PTPRN2: variants seen among roughly 807,000 people sequenced by gnomAD.
The protein encoded by PTPRN2 is receptor-type tyrosine-protein phosphatase N2.
A neutral mutation model predicts 118.8 loss-of-function variants in PTPRN2; 74 were observed. The observed-to-expected ratio is 0.62, with a 90% CI of 0.52 to 0.76. The LOEUF is 0.76. PTPRN2 is among the 30% of genes least tolerant of loss of function. PTPRN2 has a pLI of 0.00. For synonymous variants in PTPRN2, 641 were observed against 608.0 expected, an observed-to-expected ratio of 1.05 and a Z score of -0.80; for missense variants, 1,481 against 1,394.4, an observed-to-expected ratio of 1.06 and a Z score of -0.99.
At chr7:157,933,014 G>T (rs915887033) in intron 11 of PTPRN2, among the ~76,000 whole-genome samples, 12 of 151,014 alleles carry the variant, frequency 7.9e-5, no homozygotes, top group African/African-American at 2.7e-4. Flanking sequence ...TAGAGGAGGG[G>T]TGAGTCATCC....
intron 6 of PTPRN2, among the ~76,000 whole-genome samples, chr7:158,151,458 C>G (rs71544540): frequency 1.6e-5 from 1 of 61,562 alleles, no homozygotes; most frequent in Non-Finnish European, 3.4e-5. Flanking sequence ...CCTGCCCACA[C>G]CACCCGCCTT....
At chr7:157,599,382 TGAA>T (rs755743903) in intron 16 of PTPRN2, among the ~76,000 whole-genome samples, 8 of 152,240 alleles carry the variant, frequency 5.3e-5, no homozygotes, top group Non-Finnish European at 1.2e-4. Context: ...CTGATTCTTA[TGAA>T]GATGTCATAT....
At position 158,490,754 on chromosome 7, in the gene PTPRN2, C is replaced by T. The variant is rs1821388744; in HGVS notation, c.113-969G>A. Among the ~76,000 whole-genome samples the T allele has an allele frequency of 4.6e-5, 7 of 152,244 alleles. No individual in the cohort carries two copies. In the South Asian group the frequency reaches 1.4e-3, roughly 31 times the overall value. Reference sequence around the variant, plus strand: ...CAATGCTGCTTCACCAGCCGACAAACGCCTGTTCATCCGCTAAGATCCCTG... The same window carrying T: ...CAATGCTGCTTCACCAGCCGACAAATGCCTGTTCATCCGCTAAGATCCCTG... On this transcript the variant is annotated intron_variant, in intron 1 of 22. Transcript: ENST00000389418.
At chr7:158,108,745 A>G (rs78893205) in intron 10 of PTPRN2, among the ~76,000 whole-genome samples, 2,103 of 152,282 alleles carry the variant, frequency 0.014, 54 homozygotes, top group East Asian at 0.098. Flanking sequence ...AGTGCCCTCC[A>G]TGCTAATGAC....
intron 6 of PTPRN2, among the ~76,000 whole-genome samples, chr7:158,149,316 C>G (rs953489083): frequency 6.6e-6 from 1 of 152,114 alleles, no homozygotes; most frequent in Admixed American, 6.5e-5. Flanking sequence ...ATGTGTAAAT[C>G]ACTGCCTATA....
chr7:157,665,948 C>T (rs1429070109), intron 13 of PTPRN2, among the ~76,000 whole-genome samples: 2 of 152,184 alleles, frequency 1.3e-5, no homozygotes, highest in Admixed American at 6.5e-5. Flanking sequence ...AACACTTGGA[C>T]ACAAGGCGGG....
At chr7:157,966,087 G>C (rs1801901799) in intron 11 of PTPRN2, among the ~76,000 whole-genome samples, 1 of 151,690 alleles carries the variant, frequency 6.6e-6, no homozygotes, top group Non-Finnish European at 1.5e-5. Flanking sequence ...AATTCCAACA[G>C]GAGTACTCAG....
At chr7:158,317,370 C>T (rs1021597143) in intron 2 of PTPRN2, among the ~76,000 whole-genome samples, 8 of 152,250 alleles carry the variant, frequency 5.3e-5, no homozygotes, top group South Asian at 2.1e-4. Context: ...CAAGGATCGG[C>T]GGAGACGCCT....
Position 158,447,250 on chromosome 7 carries a change from G to A in PTPRN2, c.163+42485C>T, listed in dbSNP as rs10235375. ...TCGGTGCCTCCCTGCAGCCTCCACC[G>A]TTAAGCAAAAGCGTGGATGTATGAA... is the stretch of plus-strand genomic sequence containing the variant. On this transcript the variant is annotated intron_variant, in intron 2 of 22. Transcript: ENST00000389418. 1.7e-3 allele frequency among the ~76,000 whole-genome samples: 264 copies of A among 152,248 alleles called. 2 individuals carry two copies. The highest frequency in any genetic ancestry group is 5.6e-3 in the African/African-American group (233 of 41,530).
chr7:157,660,300 C>T (rs578189683), intron 13 of PTPRN2, among the ~76,000 whole-genome samples: 1 of 152,264 alleles, frequency 6.6e-6, no homozygotes, highest in African/African-American at 2.4e-5. Flanking sequence ...CCATGCCCAT[C>T]CTGTGATTTG....
chr7:158,521,855 CGGG>C (rs1824118445), intron 1 of PTPRN2, among the ~76,000 whole-genome samples: 2 of 76,792 alleles, frequency 2.6e-5, no homozygotes, highest in Admixed American at 1.4e-4. Context: ...GGTAGTGGCT[CGGG>C]AGGGAGGTCC....
chr7:158,357,848 C>T (rs939657269), intron 2 of PTPRN2, among the ~76,000 whole-genome samples: 1 of 152,210 alleles, frequency 6.6e-6, no homozygotes, highest in Non-Finnish European at 1.5e-5. Flanking sequence ...AGAACCCAGC[C>T]GCCAGCCCTC....
Position 158,156,691 on chromosome 7 carries a change from G to A in PTPRN2, c.910+10240C>T, listed in dbSNP as rs145345961. 5.9e-3 allele frequency among the ~76,000 whole-genome samples: 906 copies of A among 152,296 alleles called. 5 individuals are homozygous for A. Among genetic ancestry groups the A allele is most frequent in the African/African-American group, 0.021 (854 of 41,552 alleles). ...GGCTTCGAGCCCCCAGTTCCAGCCT[G>A]TGACGCACTCACCCGTGGGAAGGGG... On this transcript the variant is annotated intron_variant, in intron 6 of 22. Coordinates refer to ENST00000389418, the MANE Select transcript of PTPRN2 (RefSeq NM_002847.5).
chr7:158,141,339 C>T (rs1222244800), intron 6 of PTPRN2, among the ~76,000 whole-genome samples: 1 of 152,242 alleles, frequency 6.6e-6, no homozygotes, highest in Admixed American at 6.5e-5. Context: ...TGTGGCACCC[C>T]CGTTCACTCA....
chr7:158,441,619 GTGGTGGTGATAGTGATGGTGATGGCAA>G (rs1817252066), intron 2 of PTPRN2, among the ~76,000 whole-genome samples: 1 of 150,580 alleles, frequency 6.6e-6, no homozygotes, highest in Non-Finnish European at 1.5e-5. Context: ...GGCAGTGGTG[GTGGTGGTGATAGTGATGGTGATGGCAA>G]TGGTGGTGAT....
At chr7:157,930,611 C>T (rs1377598930) in intron 11 of PTPRN2, among the ~76,000 whole-genome samples, 2 of 152,250 alleles carry the variant, frequency 1.3e-5, no homozygotes, top group African/African-American at 4.8e-5. Context: ...TTTGCTTCTC[C>T]TGCTGCCCCT....
At chr7:158,532,908 C>CGAGATCT in intron 1 of PTPRN2, 2 of 475,154 alleles carry the variant, frequency 4.2e-6, no homozygotes, top group Non-Finnish European at 8.9e-6. Context: ...CAGGCTCCAC[C>CGAGATCT]ACACCTGCTC....
At chr7:158,125,777 A>G (rs1408447510) in intron 9 of PTPRN2, among the ~76,000 whole-genome samples, 1 of 152,160 alleles carries the variant, frequency 6.6e-6, no homozygotes, top group Non-Finnish European at 1.5e-5. Context: ...AGAACCCCTG[A>G]AATCTGCCCT....
intron 3 of PTPRN2, among the ~76,000 whole-genome samples, chr7:158,263,091 A>AT (rs1465172750): frequency 1.9e-4 from 26 of 136,168 alleles, no homozygotes; most frequent in Non-Finnish European, 3.3e-4. Flanking sequence ...CACCACACAC[A>AT]TTCACACACT....
Sources: allele counts gnomAD v4.1 joint callset (sites outside exome capture counted in the v4.1 genomes callset), GRCh38; gene constraint gnomAD v4.1.1; transcripts MANE v1.5; gene names NCBI Gene and HGNC (gene_info 2026-07-23, HGNC 2026-07-21).